Variants in ZNF607 observed in about 807,000 individuals in gnomAD.
ZNF607 encodes zinc finger protein 607.
In ZNF607, 5 loss-of-function variants were observed where a neutral mutation model predicts 12.8. The observed-to-expected ratio is 0.39, with a 90% CI of 0.20 to 0.82. ZNF607 has a LOEUF of 0.82. ZNF607 is among the 40% of genes least tolerant of loss of function. The pLI is 0.39. For synonymous variants in ZNF607, 287 were observed against 276.2 expected (o/e 1.04, Z -0.39); for missense variants, 851 against 859.2 (o/e 0.99, Z 0.12).
At position 37,697,025 on chromosome 19, in the gene ZNF607, G is replaced by A; in HGVS notation, c.*1015C>T. The A allele has an allele frequency of 1.4e-6, 1 of 724,214 alleles. No individual in the cohort carries two copies. Among genetic ancestry groups the A allele is most frequent in the Admixed American group, 1.8e-5 (1 of 54,282 alleles). The allele number at this position is 724,214 out of a possible 1,614,324, so 44.9% of individuals were successfully genotyped here. A position where few individuals can be genotyped will look rare whatever the true frequency, so the allele number is the denominator to read the frequency against. On this transcript the variant is annotated 3_prime_UTR_variant, in exon 5 of 5. Transcript: ENST00000355202. ...CAAAGCGAGCCACCAGTGACTTGAG[G>A]ATCTCCGTGGTAATGAACGGCAGCA...
At chr19:37,704,658 A>G (rs1568404823) in intron 4 of ZNF607, among the ~76,000 whole-genome samples, 1 of 152,200 alleles carries the variant, frequency 6.6e-6, no homozygotes, top group Non-Finnish European at 1.5e-5. Flanking sequence ...GTTAGCATAA[A>G]TAACAACAAA....
chr19:37,698,988 A>G lies in ZNF607; in HGVS notation c.1143T>C (p.Thr381=), dbSNP rs765382115. ...TACCACTATGAATACCCTGATGTCG[A>G]GTAAGTCGTCCATGCACACTAAAGG... The part of the protein sequence containing the change: ...GKAFSVHGRL[T]RHQGIHSGKK... Residue 381 remains threonine, a synonymous_variant, in exon 5 of 5, where the codon ACT becomes ACC. Coordinates refer to ENST00000355202, the MANE Select transcript of ZNF607 (RefSeq NM_032689.5). 4 of 1,613,856 alleles carry G rather than the reference A, an allele frequency of 2.5e-6. No homozygotes were observed. The Admixed American group carries it at 5.0e-5, about 20-fold the overall frequency.
At chr19:37,702,498 T>C (rs1449424793) in intron 4 of ZNF607, among the ~76,000 whole-genome samples, 1 of 152,170 alleles carries the variant, frequency 6.6e-6, no homozygotes, top group Non-Finnish European at 1.5e-5. Context: ...TAAGATATGT[T>C]ACATTTACTG....
rs199805373 is a variant in ZNF607 at position 37,699,255 on chromosome 19, C to A, written c.876G>T (p.Gln292His). ...TTTTATGACCCACAAGGTGGGAAAA[C>A]TGACGAAAGGCCTTTCCACATTCCT... The part of the protein sequence containing the change: ...ECKECGKAFR[Q>H]FSHLVGHKRI... Residue 292 changes from glutamine to histidine, a missense_variant, in exon 5 of 5, where the codon CAG (glutamine) becomes CAT (histidine). Physicochemically the swap from Gln to His is conservative, Grantham distance 24. Transcript: ENST00000355202. 2 of 1,613,982 alleles carry A rather than the reference C, an allele frequency of 1.2e-6. No individual in the cohort carries two copies. The highest frequency in any genetic ancestry group is 2.7e-5 in the African/African-American group (2 of 74,996).
Position 37,709,827 on chromosome 19 carries a change from A to C in ZNF607, c.10-5T>G, listed in dbSNP as rs143258793. ...ATCCCCGAATGTTATTGATCCCTGA[A>C]ACAGCAAACCCATGTATTACTGGGG... On this transcript the variant is annotated splice_polypyrimidine_tract_variant and splice_region_variant and intron_variant, in intron 2 of 4. Transcript: ENST00000355202. 1 of 1,612,830 alleles carries C rather than the reference A, an allele frequency of 6.2e-7. No individual in the cohort carries two copies. The highest frequency in any genetic ancestry group is 2.2e-5 in the East Asian group (1 of 44,836).
chr19:37,707,692 G>A (rs998648248), intron 4 of ZNF607, among the ~76,000 whole-genome samples: 5 of 152,066 alleles, frequency 3.3e-5, no homozygotes, highest in Non-Finnish European at 7.4e-5. Context: ...TGCCCGCCTC[G>A]GCCTCCCAAA....
At position 37,699,074 on chromosome 19, in the gene ZNF607, T is replaced by G. The variant is rs143988674; in HGVS notation, c.1057A>C (p.Thr353Pro). ...GEAFSSGHQLTAPHTFESVEK... is the reference protein window; with the variant it reads ...GEAFSSGHQLPAPHTFESVEK... ...ACACTTTCAAATGTATGAGGTGCAG[T>G]AAGTTGATGGCCACTACTAAAAGCC... The change falls in exon 5 of 5, where the codon ACT becomes CCT. Residue 353 changes from threonine (T) to proline (P), a missense_variant. Coordinates refer to ENST00000355202, the MANE Select transcript of ZNF607 (RefSeq NM_032689.5). 10 of 1,613,998 alleles carry G rather than the reference T, an allele frequency of 6.2e-6. No homozygotes were observed. The highest frequency in any genetic ancestry group is 5.5e-5 in the South Asian group (5 of 91,080).
chr19:37,701,045 C>A (rs2045034790), intron 4 of ZNF607, among the ~76,000 whole-genome samples: 1 of 151,964 alleles, frequency 6.6e-6, no homozygotes, highest in African/African-American at 2.4e-5. Context: ...ATACAAAAAG[C>A]TGCTAAAAAG....
intron 4 of ZNF607, among the ~76,000 whole-genome samples, chr19:37,700,531 C>A (rs919600021): frequency 6.6e-5 from 10 of 152,096 alleles, no homozygotes; most frequent in African/African-American, 2.4e-4. Flanking sequence ...AGGTTTACAG[C>A]ATATGTCGAT....
intron 2 of ZNF607, among the ~76,000 whole-genome samples, chr19:37,710,294 G>A (rs1301351963): frequency 6.6e-6 from 1 of 151,654 alleles, no homozygotes; most frequent in Non-Finnish European, 1.5e-5. Context: ...GAGAAACCCT[G>A]TCTCTACTAA....
intron 4 of ZNF607, among the ~76,000 whole-genome samples, chr19:37,703,671 C>T (rs1232227973): frequency 6.6e-6 from 1 of 151,952 alleles, no homozygotes; most frequent in Non-Finnish European, 1.5e-5. Context: ...ACATAGATTT[C>T]AGGACAAAGA....
At position 37,698,998 on chromosome 19, in the gene ZNF607, C is replaced by T. The variant is rs764407677; in HGVS notation, c.1133G>A (p.Gly378Glu). 1.2e-6 allele frequency: 2 copies of T among 1,613,656 alleles called. No individual in the cohort carries two copies. Among genetic ancestry groups the T allele is most frequent in the East Asian group, 2.2e-5 (1 of 44,830 alleles). ...EECGKAFSVHGRLTRHQGIHS... is the reference protein window; with the variant it reads ...EECGKAFSVHERLTRHQGIHS... ...AATACCCTGATGTCGAGTAAGTCGT[C>T]CATGCACACTAAAGGCTTTCCCACA... is the stretch of plus-strand genomic sequence containing the variant. The change falls in exon 5 of 5, where the codon GGA (glycine) becomes GAA (glutamate). Residue 378 changes from glycine to glutamate, a missense_variant. Gly to Glu is a moderately conservative substitution (Grantham distance 98). Transcript: ENST00000355202.
rs2045115566 is a variant in ZNF607, at chr19:37,709,733, C to A, written c.99G>T (p.Glu33Asp). The change falls in exon 3 of 5, where the codon GAG becomes GAT. Residue 33 changes from glutamate to aspartate, a missense_variant. By Grantham distance (45) the Glu-to-Asp change is conservative (BLOSUM62 2). Coordinates refer to ENST00000355202, the MANE Select transcript of ZNF607 (RefSeq NM_032689.5). The stretch of plus-strand genomic sequence containing the variant: ...AGTTGTCATAGTTCTCCATCATCAC[C>A]TCCTGGTACAAGGTCTTCTGAACCA... ...LSLVQKTLYQ[E>D]VMMENYDNLV... The A allele has an allele frequency of 6.2e-7, 1 of 1,613,940 alleles. No homozygotes were observed. The highest frequency in any genetic ancestry group is 1.3e-5 in the African/African-American group (1 of 74,920).
chr19:37,711,819 G>A, intron 1 of ZNF607, 127 bp from the exon 2 acceptor site: 1 of 552,628 alleles, frequency 1.8e-6, no homozygotes, highest in East Asian at 2.8e-5. Context: ...AATTTGGGAA[G>A]ATTAAGATTC....
In ZNF607 at chr19:37,699,290, G is replaced by C; in HGVS notation, c.841C>G (p.His281Asp). ...HQSIHTGEKP[H>D]ECKECGKAFR... is the part of the protein sequence containing the mutation. ...GCCTTTCCACATTCCTTACATTCAT[G>C]TGGCTTCTCTCCAGTATGAATACTC... is the stretch of plus-strand genomic sequence containing the variant. Residue 281 changes from histidine (H) to aspartate (D), a missense_variant, in exon 5 of 5, where the codon CAT becomes GAT. By Grantham distance (81) the His-to-Asp change is moderately conservative. Transcript: ENST00000355202. The C allele has an allele frequency of 1.9e-6, 3 of 1,613,622 alleles. No individual in the cohort carries two copies. The South Asian group carries it at 3.3e-5, about 18-fold the overall frequency.
At chr19:37,707,848 A>C in intron 4 of ZNF607, 66 bp downstream of exon 4, 1 of 1,239,788 alleles carries the variant, frequency 8.1e-7, no homozygotes, top group South Asian at 1.3e-5. Flanking sequence ...TTACCAAATG[A>C]GATGACCACT....
chr19:37,697,990 A>T lies in ZNF607; in HGVS notation c.*50T>A. 2 of 1,489,624 alleles carry T rather than the reference A, an allele frequency of 1.3e-6. No homozygotes were observed. The highest frequency in any genetic ancestry group is 1.8e-6 in the Non-Finnish European group (2 of 1,116,752). 92.3% of individuals were successfully genotyped at this position (1,489,624 alleles called of 1,614,324 possible). ...TCAAATTGTTCAGTGGGATAAATCC[A>T]TTGACACAATGTGCTTTCTTTACTA... On this transcript the variant is annotated 3_prime_UTR_variant, in exon 5 of 5. Coordinates refer to ENST00000355202, the MANE Select transcript of ZNF607 (RefSeq NM_032689.5).
chr19:37,697,321 A>G lies in ZNF607; in HGVS notation c.*719T>C, dbSNP rs2044984749. 3.4e-6 allele frequency: 4 copies of G among 1,193,162 alleles called. No homozygotes were observed. Among genetic ancestry groups the G allele is most frequent in the East Asian group, 2.3e-5 (1 of 43,166 alleles). The allele number at this position is 1,193,162 out of a possible 1,614,324, so 73.9% of individuals were successfully genotyped here. ...GCTCTGTGCCCAGCATCCACATTAC[A>G]TAAGGCAGAGTTCACCATGCCTCCT... On this transcript the variant is annotated 3_prime_UTR_variant, in exon 5 of 5. Transcript: ENST00000355202.
At chr19:37,707,579 G>C (rs147631576) in intron 4 of ZNF607, among the ~76,000 whole-genome samples, 1 of 152,158 alleles carries the variant, frequency 6.6e-6, no homozygotes, top group South Asian at 2.1e-4. Context: ...ACAACAGCCC[G>C]GGCAATGTAG....
Sources: gnomAD v4.1 joint callset for allele counts (sites outside exome capture counted in the v4.1 genomes callset) on GRCh38, gnomAD v4.1.1 for gene constraint, MANE v1.5 for transcripts, NCBI Gene and HGNC (gene_info 2026-07-23, HGNC 2026-07-21) for gene names.